Variants in C21orf58 observed in about 807,000 individuals in gnomAD.
C21orf58 encodes uncharacterized protein C21orf58.
A neutral mutation model predicts 35.8 loss-of-function variants in C21orf58; 34 were observed. That is an observed-to-expected ratio of 0.95 (90% CI 0.72 to 1.26). The LOEUF is 1.26. Among genes scored for constraint, C21orf58 ranks in the 50% most tolerant of loss-of-function variants. The pLI is 0.00. For missense variants in C21orf58, 440 were observed against 414.3 expected (o/e 1.06, Z -0.54); for synonymous variants, 191 against 175.8 (o/e 1.09, Z -0.68).
intron 4 of C21orf58, 191 bp from the exon 5 acceptor site, chr21:46,315,071 C>A: frequency 6.8e-7 from 1 of 1,462,534 alleles, no homozygotes; most frequent in South Asian, 1.3e-5. Context: ...CCAAGCGTGT[C>A]AGCTAGTTTC....
At position 46,311,674 on chromosome 21, in the gene C21orf58, A is replaced by G. The variant is rs933894825; in HGVS notation, c.610-107T>C. 3.4e-5 allele frequency: 17 copies of G among 500,268 alleles called. No individual in the cohort carries two copies. The East Asian group carries it at 6.0e-4, about 18-fold the overall frequency. 31.0% of individuals were successfully genotyped at this position (500,268 alleles called of 1,614,324 possible). A position where few individuals can be genotyped will look rare whatever the true frequency, so the allele number is the denominator to read the frequency against. On this transcript the variant is annotated intron_variant, in intron 5 of 7. Coordinates refer to ENST00000291691, the MANE Select transcript of C21orf58 (RefSeq NM_058180.5). ...ACCCATCCAACCAACCAACCAACCAACCATCCACCCATCCATCCAACCAAC... is the reference window on the plus strand; with the variant it reads ...ACCCATCCAACCAACCAACCAACCAGCCATCCACCCATCCATCCAACCAAC...
intron 1 of C21orf58, among the ~76,000 whole-genome samples, chr21:46,321,177 T>C (rs919763952): frequency 6.6e-6 from 1 of 151,748 alleles, no homozygotes; most frequent in Non-Finnish European, 1.5e-5. Context: ...TATATATATA[T>C]ATTTTTTTTG....
chr21:46,301,970 GC>G lies in C21orf58; in HGVS notation c.*28del. On this transcript the variant is annotated 3_prime_UTR_variant, in exon 8 of 8. Coordinates refer to ENST00000291691, the MANE Select transcript of C21orf58 (RefSeq NM_058180.5). ...CTGAGGAAGCCTGGGGGTGGAGGGTGCCCCGGCCAGGGTCTCTGTGACTCAC... is the reference window on the plus strand; with the variant it reads ...CTGAGGAAGCCTGGGGGTGGAGGGTGCCCGGCCAGGGTCTCTGTGACTCAC... 1 of 1,489,350 alleles carries G rather than the reference GC, an allele frequency of 6.7e-7. No homozygotes were observed. Among genetic ancestry groups the G allele is most frequent in the East Asian group, 2.6e-5 (1 of 38,716 alleles). The allele number at this position is 1,489,350 out of a possible 1,614,324, so 92.3% of individuals were successfully genotyped here. A position where few individuals can be genotyped will look rare whatever the true frequency, so the allele number is the denominator to read the frequency against.
At chr21:46,317,956 C>G in intron 2 of C21orf58, 56 bp downstream of exon 2, 1 of 1,589,964 alleles carries the variant, frequency 6.3e-7, no homozygotes, top group Non-Finnish European at 8.6e-7. Context: ...AAGAGTCCCT[C>G]CAACGCCACA....
Position 46,309,475 on chromosome 21 carries a change from A to C in C21orf58, c.721+1981T>G, listed in dbSNP as rs1250705945. Among the ~76,000 whole-genome samples, 6 of 152,244 alleles carry C rather than the reference A, an allele frequency of 3.9e-5. No homozygotes were observed. The East Asian group carries it at 1.2e-3, about 29-fold the overall frequency. On this transcript the variant is annotated intron_variant, in intron 6 of 7. Transcript: ENST00000291691. ...AGACTCCGTCTCAAAAAAAAAAAAA[A>C]AAATTACTCAGTTTCAGATATTCTG... is the stretch of plus-strand genomic sequence containing the variant.
Position 46,301,947 on chromosome 21 carries a change from G to C in C21orf58, c.*52C>G. The C allele has an allele frequency of 6.9e-7, 1 of 1,458,936 alleles. No individual in the cohort carries two copies. Among genetic ancestry groups the C allele is most frequent in the Admixed American group, 2.6e-5 (1 of 38,684 alleles). The allele number at this position is 1,458,936 out of a possible 1,614,324, so 90.4% of individuals were successfully genotyped here. A position where few individuals can be genotyped will look rare whatever the true frequency, so the allele number is the denominator to read the frequency against. On this transcript the variant is annotated 3_prime_UTR_variant, in exon 8 of 8. Transcript: ENST00000291691. ...TAGTCCCGCCACAGCCCACAGCCCT[G>C]AGGAAGCCTGGGGGTGGAGGGTGCC...
chr21:46,316,923 C>T (rs1392590877), intron 3 of C21orf58, among the ~76,000 whole-genome samples: 5 of 152,218 alleles, frequency 3.3e-5, no homozygotes, highest in African/African-American at 1.2e-4. Context: ...GATCTGGGTG[C>T]GACCACTGCC....
chr21:46,311,622 C>CA, intron 5 of C21orf58, 55 bp from the exon 6 acceptor site: 1 of 1,031,794 alleles, frequency 9.7e-7, no homozygotes, highest in Non-Finnish European at 1.4e-6. Context: ...AAAGTGTCTC[C>CA]AGTATCTACC....
At chr21:46,311,990 T>TCCACCCATCCAC (rs1569128946) in intron 5 of C21orf58, among the ~76,000 whole-genome samples, 3 of 30,186 alleles carry the variant, frequency 9.9e-5, no homozygotes, top group African/African-American at 1.4e-4. Flanking sequence ...CATCCACCCA[T>TCCACCCATCCAC]CCACCCATCC....
chr21:46,307,498 C>A (rs1164661472), intron 6 of C21orf58, among the ~76,000 whole-genome samples: 1 of 152,172 alleles, frequency 6.6e-6, no homozygotes, highest in Non-Finnish European at 1.5e-5. Flanking sequence ...GACAGACTAT[C>A]ACTAAACTTC....
rs1414828756 is a variant in C21orf58, at chr21:46,314,612, C to T, written c.609+104G>A. On this transcript the variant is annotated intron_variant, in intron 5 of 7. Coordinates refer to ENST00000291691, the MANE Select transcript of C21orf58 (RefSeq NM_058180.5). Reference sequence around the variant, plus strand: ...GTGGGCCTTGGGAGGATGGGGGTGACGAGGCAACCTCGCTGCAGGCACAGC... The same window carrying T: ...GTGGGCCTTGGGAGGATGGGGGTGATGAGGCAACCTCGCTGCAGGCACAGC... 12 of 948,936 alleles carry T rather than the reference C, an allele frequency of 1.3e-5. No homozygotes were observed. In the South Asian group the frequency reaches 1.4e-4, roughly 11 times the overall value. The allele number at this position is 948,936 out of a possible 1,614,324, so 58.8% of individuals were successfully genotyped here.
At chr21:46,320,786 C>G (rs1601711328) in intron 1 of C21orf58, 1 of 152,220 alleles carries the variant, frequency 6.6e-6, no homozygotes, top group Admixed American at 6.6e-5. Flanking sequence ...CCAGATTCTC[C>G]TTTTCGTTGA....
intron 1 of C21orf58, among the ~76,000 whole-genome samples, chr21:46,321,445 A>G (rs1480207124): frequency 2.0e-5 from 3 of 152,256 alleles, no homozygotes; most frequent in Non-Finnish European, 4.4e-5. Flanking sequence ...GGTTTGCCTC[A>G]TGTCCCTAAT....
chr21:46,315,178 A>C (rs1601693693), intron 4 of C21orf58: 1 of 651,498 alleles, frequency 1.5e-6, no homozygotes, highest in Non-Finnish European at 2.6e-6. Flanking sequence ...AAGCGGCCCC[A>C]CCTCCCCTGC....
At chr21:46,302,255 G>T in intron 7 of C21orf58, 101 bp from the exon 8 acceptor site, 1 of 1,430,412 alleles carries the variant, frequency 7.0e-7, no homozygotes, top group Non-Finnish European at 9.2e-7. Context: ...GTGATAGGCA[G>T]GATGGCAGGG....
intron 5 of C21orf58, chr21:46,312,896 C>T (rs1354346064): frequency 1.6e-6 from 1 of 610,880 alleles, no homozygotes; most frequent in Non-Finnish European, 2.0e-6. Flanking sequence ...TACTGTAGTA[C>T]ATATATAGAA....
intron 1 of C21orf58, among the ~76,000 whole-genome samples, chr21:46,320,993 T>C (rs1448986013): frequency 2.0e-5 from 3 of 152,298 alleles, no homozygotes; most frequent in African/African-American, 4.8e-5. Flanking sequence ...TCTCTAGTAG[T>C]ATACATAACA....
chr21:46,303,603 G>A lies in C21orf58; in HGVS notation c.722-1027C>T, dbSNP rs188020792. ...ACGGTGGCTCATGCCTGTGATGCTC[G>A]CACTTTGGGAGACCGAGACAGGAGA... On this transcript the variant is annotated intron_variant, in intron 6 of 7. Coordinates refer to ENST00000291691, the MANE Select transcript of C21orf58 (RefSeq NM_058180.5). Among the ~76,000 whole-genome samples, 68 of 147,374 alleles carry A rather than the reference G, an allele frequency of 4.6e-4. 1 individual carries two copies. Among genetic ancestry groups the A allele is most frequent in the South Asian group, 1.5e-3 (7 of 4,596 alleles).
rs1335797911 is a variant in C21orf58 at position 46,323,246 on chromosome 21, C to T, written c.-508G>A. 6.6e-6 allele frequency: 1 copy of T among 152,368 alleles called. No homozygotes were observed. The highest frequency in any genetic ancestry group is 1.5e-5 in the Non-Finnish European group (1 of 68,122). 9.4% of individuals were successfully genotyped at this position (152,368 alleles called of 1,614,324 possible). ...TCGGTGTCCAGAGAGCTCCAAGACA[C>T]CCAAACCTTCCGTGGTTTCCACCTC... is the stretch of plus-strand genomic sequence containing the variant. On this transcript the variant is annotated 5_prime_UTR_variant, in exon 1 of 8. The change creates a new upstream start codon in the 5' untranslated region. Transcript: ENST00000291691.
Sources: gnomAD v4.1 joint callset for allele counts (sites outside exome capture counted in the v4.1 genomes callset) on GRCh38, gnomAD v4.1.1 for gene constraint, MANE v1.5 for transcripts, NCBI Gene and HGNC (gene_info 2026-07-23, HGNC 2026-07-21) for gene names.